Variants in DUS3L observed in about 807,000 individuals in gnomAD.
DUS3L encodes dihydrouridine synthase 3 like.
A neutral mutation model predicts 74.6 loss-of-function variants in DUS3L; 62 were observed. The ratio of observed to expected loss-of-function variants is 0.83; its 90% CI spans 0.68 to 1.03. The LOEUF (loss-of-function observed/expected upper bound fraction) is 1.03, where lower values mean the gene tolerates loss of function less well. Among genes scored for constraint, DUS3L ranks in the 50% least tolerant of loss-of-function variants. DUS3L has a pLI of 0.00. For missense variants in DUS3L, 884 were observed against 924.4 expected, an observed-to-expected ratio of 0.96 and a Z score of 0.57; for synonymous variants, 433 against 395.7, an observed-to-expected ratio of 1.09 and a Z score of -1.12.
chr19:5,787,713 T>C lies in DUS3L; in HGVS notation c.1096-8A>G, dbSNP rs769008556. On this transcript the variant is annotated splice_polypyrimidine_tract_variant and splice_region_variant and intron_variant, in intron 5 of 12. Coordinates refer to ENST00000309061, the MANE Select transcript of DUS3L (RefSeq NM_020175.3). ...GGGGAAGGCGCCCTCCAGCTGTAGG[T>C]GGGTAGTGGCAGAACAGGAGGGTGA... The C allele has an allele frequency of 1.2e-6, 2 of 1,612,236 alleles. No homozygotes were observed. The highest frequency in any genetic ancestry group is 2.2e-5 in the South Asian group (2 of 91,062).
At chr19:5,787,523 T>C (rs2056865539) in intron 6 of DUS3L, 66 bp downstream of exon 6, 11 of 1,571,262 alleles carry the variant, frequency 7.0e-6, no homozygotes, top group Non-Finnish European at 7.8e-6. Context: ...CACCGAGACA[T>C]CGCCGGCTGG....
At position 5,788,135 on chromosome 19, in the gene DUS3L, C is replaced by T. The variant is rs2056872603; in HGVS notation, c.984G>A (p.Gly328=). ...CCATCTCTCCACATGTCACATCCGCCCCGAAGCGCTTGCAGATCCGTCGGA... is the reference window on the plus strand; with the variant it reads ...CCATCTCTCCACATGTCACATCCGCTCCGAAGCGCTTGCAGATCCGTCGGA... The part of the protein sequence containing the change: ...LPFRRICKRF[G]ADVTCGEMAV... Residue 328 remains glycine (G), a synonymous_variant, in exon 5 of 13, where the codon GGG becomes GGA. Coordinates refer to ENST00000309061, the MANE Select transcript of DUS3L (RefSeq NM_020175.3). The T allele has an allele frequency of 6.2e-7, 1 of 1,613,558 alleles. No individual in the cohort carries two copies. Among genetic ancestry groups the T allele is most frequent in the South Asian group, 1.1e-5 (1 of 91,096 alleles).
chr19:5,791,002 CG>C, intron 1 of DUS3L, 41 bp downstream of exon 1: 1 of 1,549,090 alleles, frequency 6.5e-7, no homozygotes, highest in Non-Finnish European at 8.8e-7. Flanking sequence ...CTATGGGTGC[CG>C]GAAAAGGCCC....
rs759317951 is a variant in DUS3L at position 5,786,341 on chromosome 19, C to T, written c.1562+126G>A. On this transcript the variant is annotated intron_variant, in intron 10 of 12. Transcript: ENST00000309061. ...GCAACGCAGCTGCAACTCCTGACAT[C>T]GCTCTCTGCTCCTCCCATCTTGGGA... The T allele has an allele frequency of 8.0e-6, 7 of 871,046 alleles. No individual in the cohort carries two copies. The African/African-American group carries it at 8.5e-5, about 11-fold the overall frequency. 54.0% of individuals were successfully genotyped at this position (871,046 alleles called of 1,614,324 possible).
At chr19:5,790,986 AC>A in intron 1 of DUS3L, 57 bp downstream of exon 1, 2 of 1,503,914 alleles carry the variant, frequency 1.3e-6, no homozygotes, top group Non-Finnish European at 1.8e-6. Flanking sequence ...CACAGCTCGG[AC>A]CGCGCTATGG....
chr19:5,787,267 AGCCAGTGCGAG>A lies in DUS3L; in HGVS notation c.1278+18_1278+28del. On this transcript the variant is annotated intron_variant, in intron 7 of 12. Transcript: ENST00000309061. ...ACAGGGCCCGGGGGAGTTGTTTGGG[AGCCAGTGCGAG>A]GATGTGGCTGGCCGTACCTGGTTCA... 2 of 367,236 alleles carry A rather than the reference AGCCAGTGCGAG, an allele frequency of 5.4e-6. No homozygotes were observed. Among genetic ancestry groups the A allele is most frequent in the Non-Finnish European group, 7.5e-6 (2 of 266,778 alleles). The allele number at this position is 367,236 out of a possible 1,614,324, so 22.7% of individuals were successfully genotyped here.
At chr19:5,785,981 G>C in intron 10 of DUS3L, 190 bp from the exon 11 acceptor site, 1 of 644,086 alleles carries the variant, frequency 1.6e-6, no homozygotes, top group African/African-American at 1.9e-5. Context: ...ACGGAGTCTG[G>C]CTCTGTCGCC....
At position 5,789,206 on chromosome 19, in the gene DUS3L, C is replaced by T. The variant is rs1373649940; in HGVS notation, c.900+1G>A. On this transcript the variant is annotated splice_donor_variant, in intron 3 of 12. Transcript: ENST00000309061. LOFTEE classifies it high-confidence loss of function. ...CTACTGACGTTGTCCTCAACACGTA[C>T]CCGCTTCTTCTCACAGGGCCGCAGC... 15 of 1,529,460 alleles carry T rather than the reference C, an allele frequency of 9.8e-6. No individual in the cohort carries two copies. Among genetic ancestry groups the T allele is most frequent in the Non-Finnish European group, 1.3e-5 (15 of 1,141,532 alleles). 94.7% of individuals were successfully genotyped at this position (1,529,460 alleles called of 1,614,324 possible). A position where few individuals can be genotyped will look rare whatever the true frequency, so the allele number is the denominator to read the frequency against.
At chr19:5,789,028 C>CACCAGCGTGGG in intron 3 of DUS3L, 179 bp downstream of exon 3, 1 of 892,870 alleles carries the variant, frequency 1.1e-6, no homozygotes. Context: ...TTTCTGTCCC[C>CACCAGCGTGGG]ACCTCCTGAG....
intron 1 of DUS3L, among the ~76,000 whole-genome samples, chr19:5,790,573 T>C (rs1340249456): frequency 2.0e-5 from 3 of 152,116 alleles, no homozygotes; most frequent in African/African-American, 4.8e-5. Context: ...GTCAAGAACG[T>C]CCCTGCGCAC....
At chr19:5,790,379 TAAACACTGGGGAAAGGAGGCTAG>T in intron 1 of DUS3L, 44 bp from the exon 2 acceptor site, 2 of 1,609,010 alleles carry the variant, frequency 1.2e-6, no homozygotes, top group Middle Eastern at 1.7e-4. Flanking sequence ...ACATAGTCAA[TAAACACTGGGGAAAGGAGGCTAG>T]AAACACTTGC....
At position 5,791,097 on chromosome 19, in the gene DUS3L, A is replaced by G. The variant is rs2056906445; in HGVS notation, c.45T>C (p.Gly15=). 1 of 1,609,292 alleles carries G rather than the reference A, an allele frequency of 6.2e-7. No individual in the cohort carries two copies. The change falls in exon 1 of 13, where the codon GGT becomes GGC. Residue 15 remains glycine, a synonymous_variant. Coordinates refer to ENST00000309061, the MANE Select transcript of DUS3L (RefSeq NM_020175.3). The stretch of plus-strand genomic sequence containing the variant: ...CCAAAGCTCCGGCTCCCGAGTCGCC[A>G]CCACCACCATTCTCTAGAGGAGCCT... ...TAEAPLENGG[G]GDSGAGALER...
At chr19:5,787,512 C>A in intron 6 of DUS3L, 77 bp downstream of exon 6, 1 of 1,553,842 alleles carries the variant, frequency 6.4e-7, no homozygotes, top group Non-Finnish European at 8.8e-7. Flanking sequence ...CCCTGACCCT[C>A]CACCGAGACA....
chr19:5,789,159 G>A (rs773784478), intron 3 of DUS3L, 48 bp downstream of exon 3: 45 of 1,498,998 alleles, frequency 3.0e-5, no homozygotes, highest in South Asian at 1.2e-4. Flanking sequence ...TTTAATAGAC[G>A]CACACCAGAT....
chr19:5,789,953 G>A, intron 2 of DUS3L, 94 bp downstream of exon 2: 1 of 1,528,012 alleles, frequency 6.5e-7, no homozygotes, highest in African/African-American at 1.4e-5. Context: ...GCTCGTTGCT[G>A]AAGGCCCAGG....
In DUS3L at chr19:5,786,779, C is replaced by T. The variant is rs777075956; in HGVS notation, c.1456G>A (p.Val486Met). The change falls in exon 9 of 13, where the codon GTG (valine) becomes ATG (methionine). Residue 486 changes from valine (V) to methionine (M), a missense_variant. Val to Met is a conservative substitution (Grantham distance 21, BLOSUM62 1). Coordinates refer to ENST00000309061, the MANE Select transcript of DUS3L (RefSeq NM_020175.3). ...AGGGGCATGGGGCTGGCGGCCTGCA[C>T]GCACTCCTCGATGTACTGCCAGTCG... is the stretch of plus-strand genomic sequence containing the variant. ...LADWQYIEEC[V>M]QAASPMPLFG... 1.9e-6 allele frequency: 3 copies of T among 1,612,172 alleles called. No homozygotes were observed. The highest frequency in any genetic ancestry group is 2.5e-6 in the Non-Finnish European group (3 of 1,179,810).
At chr19:5,785,842 C>T (rs761462785) in intron 10 of DUS3L, 51 bp from the exon 11 acceptor site, 6 of 1,498,700 alleles carry the variant, frequency 4.0e-6, no homozygotes, top group South Asian at 1.3e-5. Context: ...TGCCTGGGAT[C>T]GTGTGGCCTC....
chr19:5,787,051 C>G lies in DUS3L; in HGVS notation c.1389+10G>C. The stretch of plus-strand genomic sequence containing the variant: ...CGAGGCCCCAATGCCCGAGGCGTCC[C>G]AAGACCCACCGTGACGAGTGCCACG... On this transcript the variant is annotated intron_variant, in intron 8 of 12. Coordinates refer to ENST00000309061, the MANE Select transcript of DUS3L (RefSeq NM_020175.3). 1 of 1,538,648 alleles carries G rather than the reference C, an allele frequency of 6.5e-7. No individual in the cohort carries two copies. Among genetic ancestry groups the G allele is most frequent in the Non-Finnish European group, 8.7e-7 (1 of 1,148,682 alleles).
chr19:5,790,987 C>T (rs1231537128), intron 1 of DUS3L, 57 bp downstream of exon 1: 4 of 1,515,992 alleles, frequency 2.6e-6, no homozygotes, highest in Non-Finnish European at 2.7e-6. Flanking sequence ...ACAGCTCGGA[C>T]CGCGCTATGG....
Sources: gnomAD v4.1 joint callset for allele counts (sites outside exome capture counted in the v4.1 genomes callset) on GRCh38, gnomAD v4.1.1 for gene constraint, MANE v1.5 for transcripts, NCBI Gene and HGNC (gene_info 2026-07-23, HGNC 2026-07-21) for gene names.